The following PCDHGA7 variants were observed in gnomAD, a reference collection of about 807,000 sequenced individuals.
PCDHGA7 encodes the protein protocadherin gamma subfamily A, 7.
Under a neutral mutation model 58.3 loss-of-function variants are expected in PCDHGA7, and 44 were observed. The observed-to-expected ratio is 0.75, with a 90% CI of 0.59 to 0.97. PCDHGA7 has a LOEUF of 0.97. Ranked by LOEUF, PCDHGA7 falls within the 50% of genes least tolerant of loss-of-function variation. The probability of loss-of-function intolerance (pLI) is 0.00; values close to 1 mark genes in which losing one functional copy is unlikely to be tolerated. For missense variants in PCDHGA7, 1,266 were observed against 1,188.7 expected (o/e 1.06, Z -0.96); for synonymous variants, 516 against 504.2 (o/e 1.02, Z -0.31).
rs1180919465 is a variant in PCDHGA7 at position 141,410,681 on chromosome 5, G to A, written c.2424+25358G>A. On this transcript the variant is annotated intron_variant, in intron 1 of 3. Coordinates refer to ENST00000518325, the MANE Select transcript of PCDHGA7 (RefSeq NM_018920.4). ...AGTCTACTAGTTTCTCATATTTTAG[G>A]CATACTACTTTATTTTCATATCTAG... The A allele has an allele frequency of 3.9e-6, 6 of 1,535,084 alleles. No homozygotes were observed. The East Asian group carries it at 1.4e-4, about 35-fold the overall frequency.
chr5:141,450,887 C>A (rs531604055), intron 1 of PCDHGA7, among the ~76,000 whole-genome samples: 1 of 148,582 alleles, frequency 6.7e-6, no homozygotes, highest in East Asian at 2.0e-4. Flanking sequence ...TGCAGTGGTG[C>A]GATATCGGCT....
chr5:141,466,223 T>C (rs1313406487), intron 1 of PCDHGA7, among the ~76,000 whole-genome samples: 1 of 152,096 alleles, frequency 6.6e-6, no homozygotes, highest in African/African-American at 2.4e-5. Context: ...CAGGCTGGAG[T>C]GCAGTGGCAC....
At chr5:141,407,985 A>C in intron 1 of PCDHGA7, 6 of 789,616 alleles carry the variant, frequency 7.6e-6, no homozygotes, top group Non-Finnish European at 1.1e-5. Flanking sequence ...GGGATCCGTC[A>C]GCCTCTGGCC....
Position 141,476,301 on chromosome 5 carries a change from C to T in PCDHGA7, c.2425-18506C>T. On this transcript the variant is annotated intron_variant, in intron 1 of 3. Transcript: ENST00000518325. The surrounding 1 kb of genome is among the most constrained non-coding windows in gnomAD (Gnocchi z 7.6). ...CTTGGTTTGGATCTCGGTAGCCTCT[C>T]AGCCCGCAGGTTCCGGGTGGTGTCT... is the stretch of plus-strand genomic sequence containing the variant. The T allele has an allele frequency of 1.9e-6, 3 of 1,613,778 alleles. No homozygotes were observed. The highest frequency in any genetic ancestry group is 2.5e-6 in the Non-Finnish European group (3 of 1,179,908).
chr5:141,509,497 G>A (rs1167178592), intron 3 of PCDHGA7, among the ~76,000 whole-genome samples: 1 of 152,196 alleles, frequency 6.6e-6, no homozygotes, highest in Non-Finnish European at 1.5e-5. Flanking sequence ...TGGCATGCTG[G>A]ATGTGACGGT....
chr5:141,403,006 G>C (rs536630249), intron 1 of PCDHGA7: 3 of 1,613,888 alleles, frequency 1.9e-6, no homozygotes, highest in Non-Finnish European at 2.5e-6. Context: ...TGCTATGCTC[G>C]CTCCTGGGGA....
At position 141,414,416 on chromosome 5, in the gene PCDHGA7, T is replaced by C. The variant is rs550804810; in HGVS notation, c.2424+29093T>C. The C allele has an allele frequency of 2.2e-5, 35 of 1,613,902 alleles. No homozygotes were observed. In the South Asian group the frequency reaches 3.5e-4, roughly 16 times the overall value. On this transcript the variant is annotated intron_variant, in intron 1 of 3. Coordinates refer to ENST00000518325, the MANE Select transcript of PCDHGA7 (RefSeq NM_018920.4). ...TACAGATTGGTGATACACAGAGCCCTTGACAGGGAACAGGTATCCTCTTAC... is the reference window on the plus strand; with the variant it reads ...TACAGATTGGTGATACACAGAGCCCCTGACAGGGAACAGGTATCCTCTTAC...
intron 1 of PCDHGA7, chr5:141,420,166 A>G: frequency 1.2e-6 from 2 of 1,614,036 alleles, no homozygotes; most frequent in Non-Finnish European, 1.7e-6. Flanking sequence ...ATTTTTTCAC[A>G]TCTGTTGATC....
chr5:141,489,380 A>T lies in PCDHGA7; in HGVS notation c.2425-5427A>T, dbSNP rs753226956. 1 of 1,613,874 alleles carries T rather than the reference A, an allele frequency of 6.2e-7. No homozygotes were observed. The highest frequency in any genetic ancestry group is 2.2e-5 in the East Asian group (1 of 44,872). On this transcript the variant is annotated intron_variant, in intron 1 of 3. Transcript: ENST00000518325. The surrounding 1 kb of genome is among the most constrained non-coding windows in gnomAD (Gnocchi z 4.5). ...TCTGAGCCGGGGACGCTGGTGGGGA[A>T]TGTTGCTCAGGATCTGGGCTTAAAG... is the stretch of plus-strand genomic sequence containing the variant.
chr5:141,413,365 G>A (rs1046513869), intron 1 of PCDHGA7: 14 of 1,614,000 alleles, frequency 8.7e-6, no homozygotes, highest in Non-Finnish European at 1.2e-5. Flanking sequence ...CCGGGAGCTG[G>A]CGGAGCGCGG....
At position 141,485,398 on chromosome 5, in the gene PCDHGA7, C is replaced by T. The variant is rs906016330; in HGVS notation, c.2425-9409C>T. The T allele has an allele frequency of 1.3e-5, 21 of 1,614,044 alleles. No individual in the cohort carries two copies. The highest frequency in any genetic ancestry group is 1.8e-5 in the Non-Finnish European group (21 of 1,179,928). On this transcript the variant is annotated intron_variant, in intron 1 of 3. Coordinates refer to ENST00000518325, the MANE Select transcript of PCDHGA7 (RefSeq NM_018920.4). This position sits in a 1 kb window ranked among gnomAD's most constrained non-coding sequence, Gnocchi z 5.7. ...CTGGAGAGGTGAACCAAAGACACTT[C>T]CGTGTGGATTTGGACAGCGGAGCCC...
chr5:141,456,554 G>A (rs1003323522), intron 1 of PCDHGA7, among the ~76,000 whole-genome samples: 2 of 152,202 alleles, frequency 1.3e-5, no homozygotes, highest in Non-Finnish European at 2.9e-5. Flanking sequence ...GCCACTCGGG[G>A]CTGAAGCCCA....
rs199642192 is a variant in PCDHGA7, at chr5:141,383,948, C to T, written c.1049C>T (p.Thr350Met). ...GATAATGCTCCAGAAGTGACTATGA[C>T]GTCTTTAAGTAGCTCAATCCCTGAA... ...VNDNAPEVTM[T>M]SLSSSIPEDT... is the part of the protein sequence containing the mutation. The change falls in exon 1 of 4, where the codon ACG becomes ATG. Residue 350 changes from threonine to methionine, a missense_variant. Physicochemically the swap from Thr to Met is moderately conservative, Grantham distance 81 (BLOSUM62 -1). Coordinates refer to ENST00000518325, the MANE Select transcript of PCDHGA7 (RefSeq NM_018920.4). The T allele has an allele frequency of 3.1e-6, 5 of 1,613,482 alleles. No homozygotes were observed. Among genetic ancestry groups the T allele is most frequent in the East Asian group, 4.5e-5 (2 of 44,890 alleles).
chr5:141,423,415 G>GA (rs750028507), intron 1 of PCDHGA7: 3 of 1,614,134 alleles, frequency 1.9e-6, no homozygotes, highest in Non-Finnish European at 2.5e-6. Context: ...GCAGGCTTCT[G>GA]AAGGCGGGTT....
intron 1 of PCDHGA7, chr5:141,391,260 A>G (rs2092328802): frequency 1.3e-5 from 2 of 152,128 alleles, no homozygotes; most frequent in African/African-American, 4.8e-5. Flanking sequence ...TGCTTCAGTT[A>G]ATGGCCACTT....
chr5:141,507,609 A>G (rs2099862010), intron 3 of PCDHGA7, among the ~76,000 whole-genome samples: 1 of 152,260 alleles, frequency 6.6e-6, no homozygotes, highest in Non-Finnish European at 1.5e-5. Context: ...ATAAACAGGT[A>G]TATTTAGCTG....
At position 141,490,954 on chromosome 5, in the gene PCDHGA7, G is replaced by A. The variant is rs749646808; in HGVS notation, c.2425-3853G>A. On this transcript the variant is annotated intron_variant, in intron 1 of 3. Coordinates refer to ENST00000518325, the MANE Select transcript of PCDHGA7 (RefSeq NM_018920.4). This position sits in a 1 kb window ranked among gnomAD's most constrained non-coding sequence, Gnocchi z 5.4. ...TGTGCTGCACCCACGGCCAGACTGGGAACACTCAGCCCCCCAGCGTCTCCC... is the reference window on the plus strand; with the variant it reads ...TGTGCTGCACCCACGGCCAGACTGGAAACACTCAGCCCCCCAGCGTCTCCC... 9 of 1,613,662 alleles carry A rather than the reference G, an allele frequency of 5.6e-6. No individual in the cohort carries two copies. The African/African-American group carries it at 8.0e-5, about 14-fold the overall frequency.
intron 2 of PCDHGA7, among the ~76,000 whole-genome samples, chr5:141,496,419 C>T (rs1292183963): frequency 6.6e-6 from 1 of 152,174 alleles, no homozygotes; most frequent in Non-Finnish European, 1.5e-5. Flanking sequence ...TACTTGCTGT[C>T]CACATTTGCC....
intron 2 of PCDHGA7, among the ~76,000 whole-genome samples, chr5:141,504,039 AC>A (rs1396515708): frequency 6.6e-6 from 1 of 152,184 alleles, no homozygotes; most frequent in African/African-American, 2.4e-5. Context: ...CATTTAGGCA[AC>A]AAATATTTAT....
Sources: gnomAD v4.1 joint callset for allele counts (sites outside exome capture counted in the v4.1 genomes callset) on GRCh38, gnomAD v4.1.1 for gene constraint, Gnocchi (gnomAD v3.1) non-coding constraint, MANE v1.5 for transcripts, NCBI Gene and HGNC (gene_info 2026-07-23, HGNC 2026-07-21) for gene names.